The following CACHD1 variants were observed in gnomAD, a reference collection of about 807,000 sequenced individuals.
The protein encoded by CACHD1 is cache domain containing 1, also known as VWFA and cache domain-containing protein 1.
CACHD1 carries 71 observed loss-of-function variants against 138.7 expected under a neutral mutation model. That is an observed-to-expected ratio of 0.51 (90% CI 0.42 to 0.62). The LOEUF is 0.62. CACHD1 is among the 20% of genes least tolerant of loss of function. The pLI is 0.00. For missense variants in CACHD1, 1,389 were observed against 1,625.3 expected (o/e 0.85, Z 2.50); for synonymous variants, 578 against 591.5 (o/e 0.98, Z 0.33).
intron 4 of CACHD1, among the ~76,000 whole-genome samples, chr1:64,621,130 T>A (rs1647899528): frequency 6.6e-6 from 1 of 152,206 alleles, no homozygotes; most frequent in South Asian, 2.1e-4. Flanking sequence ...ATACTTGAAA[T>A]GCTTGTAATG....
Position 64,691,744 on chromosome 1 carries a change from C to T in CACHD1, c.*183C>T. 1.7e-6 allele frequency: 1 copy of T among 604,752 alleles called. No individual in the cohort carries two copies. The highest frequency in any genetic ancestry group is 2.0e-5 in the South Asian group (1 of 48,924). 37.5% of individuals were successfully genotyped at this position (604,752 alleles called of 1,614,324 possible). On this transcript the variant is annotated 3_prime_UTR_variant, in exon 27 of 27. Transcript: ENST00000651257. ...AACGAGAGAAACAACAACACAGTCA[C>T]ATTTGTGAAGATGTGAGGCTGGTTC...
intron 1 of CACHD1, chr1:64,506,379 C>G (rs1400793061): frequency 6.6e-6 from 1 of 152,210 alleles, no homozygotes; most frequent in East Asian, 1.9e-4. Flanking sequence ...CTTGTGTAAT[C>G]CTCACAACCA....
intron 3 of CACHD1, among the ~76,000 whole-genome samples, chr1:64,594,779 T>C (rs912400406): frequency 1.3e-5 from 2 of 152,254 alleles, no homozygotes; most frequent in Non-Finnish European, 2.9e-5. Flanking sequence ...CCTAGCAGAC[T>C]ATACCAGCTT....
At chr1:64,474,915 A>T (rs1470676365) in intron 1 of CACHD1, among the ~76,000 whole-genome samples, 2 of 152,162 alleles carry the variant, frequency 1.3e-5, no homozygotes, top group African/African-American at 4.8e-5. Flanking sequence ...CAGCTGCTGG[A>T]TGAGGCCTGG....
At chr1:64,507,019 A>G (rs1646382044) in intron 1 of CACHD1, among the ~76,000 whole-genome samples, 1 of 152,234 alleles carries the variant, frequency 6.6e-6, no homozygotes, top group African/African-American at 2.4e-5. Context: ...AAACGAGATT[A>G]ATGATAAACT....
At chr1:64,622,728 C>T (rs1003028840) in intron 4 of CACHD1, among the ~76,000 whole-genome samples, 10 of 152,158 alleles carry the variant, frequency 6.6e-5, no homozygotes, top group African/African-American at 2.4e-4. Context: ...CATGTTAGTT[C>T]TGCATCTATA....
chr1:64,544,833 G>A (rs1176192105), intron 1 of CACHD1, among the ~76,000 whole-genome samples: 1 of 152,110 alleles, frequency 6.6e-6, no homozygotes, highest in Non-Finnish European at 1.5e-5. Flanking sequence ...CATCTAGGTT[G>A]GATGAAACTC....
intron 1 of CACHD1, among the ~76,000 whole-genome samples, chr1:64,497,686 A>G (rs1217967280): frequency 6.6e-6 from 1 of 152,198 alleles, no homozygotes; most frequent in African/African-American, 2.4e-5. Context: ...ACATCAGCAT[A>G]TCAAAAAGGG....
intron 1 of CACHD1, among the ~76,000 whole-genome samples, chr1:64,506,912 T>A (rs1646381267): frequency 6.6e-6 from 1 of 152,218 alleles, no homozygotes; most frequent in African/African-American, 2.4e-5. Context: ...GAACCTATAG[T>A]TGTAAAGTGA....
chr1:64,645,848 C>G (rs1648883975), intron 8 of CACHD1, among the ~76,000 whole-genome samples: 1 of 152,212 alleles, frequency 6.6e-6, no homozygotes, highest in Admixed American at 6.5e-5. Flanking sequence ...CCCTCAGTGT[C>G]TGTCTCTGAC....
intron 1 of CACHD1, among the ~76,000 whole-genome samples, chr1:64,539,609 G>A (rs747311115): frequency 2.0e-5 from 3 of 152,198 alleles, no homozygotes; most frequent in Non-Finnish European, 4.4e-5. Flanking sequence ...CCAATGTGTA[G>A]TGAGTCCTTT....
chr1:64,641,819 G>C lies in CACHD1; in HGVS notation c.1007-1G>C. On this transcript the variant is annotated splice_acceptor_variant, in intron 7 of 26. Coordinates refer to ENST00000651257, the MANE Select transcript of CACHD1 (RefSeq NM_020925.4). LOFTEE classifies it high-confidence loss of function. Reference sequence around the variant, plus strand: ...CATTCAATTGATGTGTTTTTGTTTAGATACAGACATGGTCATCATTTACCT... The same window carrying C: ...CATTCAATTGATGTGTTTTTGTTTACATACAGACATGGTCATCATTTACCT... The C allele has an allele frequency of 6.7e-7, 1 of 1,493,910 alleles. No individual in the cohort carries two copies. The highest frequency in any genetic ancestry group is 8.9e-7 in the Non-Finnish European group (1 of 1,119,078). 92.5% of individuals were successfully genotyped at this position (1,493,910 alleles called of 1,614,324 possible).
chr1:64,689,362 C>T (rs186713831), intron 26 of CACHD1, among the ~76,000 whole-genome samples: 1 of 152,240 alleles, frequency 6.6e-6, no homozygotes, highest in Non-Finnish European at 1.5e-5. Flanking sequence ...TTGTAGTCAC[C>T]TTTCACTACT....
intron 16 of CACHD1, among the ~76,000 whole-genome samples, 199 bp downstream of exon 16, chr1:64,666,366 ATAC>A (rs1649633284): frequency 6.6e-6 from 1 of 152,200 alleles, no homozygotes; most frequent in Admixed American, 6.5e-5. Flanking sequence ...AATGGGAATG[ATAC>A]CTACCTCACA....
intron 2 of CACHD1, among the ~76,000 whole-genome samples, chr1:64,568,490 C>A (rs532302078): frequency 6.6e-6 from 1 of 152,114 alleles, no homozygotes; most frequent in Non-Finnish European, 1.5e-5. Context: ...TAGGAAAAAA[C>A]GAGATGGGCA....
chr1:64,530,742 AC>A (rs1349319646), intron 1 of CACHD1, among the ~76,000 whole-genome samples: 1 of 151,892 alleles, frequency 6.6e-6, no homozygotes, highest in Non-Finnish European at 1.5e-5. Flanking sequence ...ATGGTGGTGC[AC>A]ACCTGTAATC....
At chr1:64,645,653 A>G (rs1648878105) in intron 8 of CACHD1, among the ~76,000 whole-genome samples, 1 of 152,132 alleles carries the variant, frequency 6.6e-6, no homozygotes. Flanking sequence ...AGGAACATGG[A>G]AGATTACTTA....
intron 1 of CACHD1, among the ~76,000 whole-genome samples, chr1:64,534,375 C>G (rs919438880): frequency 6.6e-6 from 1 of 152,134 alleles, no homozygotes; most frequent in Non-Finnish European, 1.5e-5. Flanking sequence ...TATTTTATCT[C>G]TGACTGTGTG....
At chr1:64,629,655 AG>A (rs1225429865) in intron 5 of CACHD1, among the ~76,000 whole-genome samples, 174 bp downstream of exon 5, 1 of 152,096 alleles carries the variant, frequency 6.6e-6, no homozygotes, top group African/African-American at 2.4e-5. Context: ...ATTCCAGGCA[AG>A]GGCAAATTAC....
Sources: gnomAD v4.1 joint callset for allele counts (sites outside exome capture counted in the v4.1 genomes callset) on GRCh38, gnomAD v4.1.1 for gene constraint, MANE v1.5 for transcripts, NCBI Gene and HGNC (gene_info 2026-07-23, HGNC 2026-07-21) for gene names.